Variants in STAG1 observed in about 807,000 individuals in gnomAD.
The protein encoded by STAG1 is cohesin subunit SA-1.
Under a neutral mutation model 170.9 loss-of-function variants are expected in STAG1, and 26 were observed. That is an observed-to-expected ratio of 0.15 (90% CI 0.11 to 0.21). STAG1 has a LOEUF of 0.21. Ranked by LOEUF, STAG1 falls within the 10% of genes least tolerant of loss-of-function variation. STAG1 has a pLI of 1.00. For synonymous variants in STAG1, 514 were observed against 497.7 expected, an observed-to-expected ratio of 1.03 and a Z score of -0.44; for missense variants, 964 against 1,509.5, an observed-to-expected ratio of 0.64 and a Z score of 5.99.
At chr3:136,381,631 G>A (rs1385591127) in intron 22 of STAG1, among the ~76,000 whole-genome samples, 1 of 152,148 alleles carries the variant, frequency 6.6e-6, no homozygotes, top group Non-Finnish European at 1.5e-5. Context: ...GTGAAAAATA[G>A]GATGGGGCTG....
chr3:136,377,798 G>A (rs772790880), intron 22 of STAG1, 46 bp from the exon 23 acceptor site: 2 of 1,498,944 alleles, frequency 1.3e-6, no homozygotes, highest in South Asian at 1.1e-5. Context: ...CAGGATCACA[G>A]AAAACTGATC....
In STAG1 at chr3:136,523,813, G is replaced by A. The variant is rs556553501; in HGVS notation, c.472-2396C>T. Reference sequence around the variant, plus strand: ...GATCCAATTTCAGCTTTCTACATGTGGCTAGCCAGTTTTCCCAGCACCATT... The same window carrying A: ...GATCCAATTTCAGCTTTCTACATGTAGCTAGCCAGTTTTCCCAGCACCATT... On this transcript the variant is annotated intron_variant, in intron 6 of 33. Transcript: ENST00000383202. Among the ~76,000 whole-genome samples, 3 of 152,184 alleles carry A rather than the reference G, an allele frequency of 2.0e-5. No homozygotes were observed. In the East Asian group the frequency reaches 5.8e-4, roughly 29 times the overall value.
At chr3:136,437,909 C>T (rs1393488893) in intron 15 of STAG1, among the ~76,000 whole-genome samples, 2 of 152,162 alleles carry the variant, frequency 1.3e-5, no homozygotes, top group Non-Finnish European at 2.9e-5. Flanking sequence ...GAGACCACTG[C>T]AATGATTATG....
intron 12 of STAG1, among the ~76,000 whole-genome samples, chr3:136,470,912 T>C (rs2089609239): frequency 6.8e-6 from 1 of 146,814 alleles, no homozygotes; most frequent in African/African-American, 2.5e-5. Flanking sequence ...ATGTTCTCAC[T>C]CATAGGTGGG....
chr3:136,446,340 AG>A (rs763137959), intron 14 of STAG1, among the ~76,000 whole-genome samples: 1 of 152,122 alleles, frequency 6.6e-6, no homozygotes, highest in Non-Finnish European at 1.5e-5. Context: ...AACATGTTCA[AG>A]TAATAATCTG....
chr3:136,520,948 T>C (rs1042575549), intron 7 of STAG1, among the ~76,000 whole-genome samples: 4 of 152,144 alleles, frequency 2.6e-5, no homozygotes, highest in African/African-American at 9.7e-5. Flanking sequence ...TCTCTTAAAA[T>C]TTCTTCAGTT....
Position 136,642,833 on chromosome 3 carries a change from G to T in STAG1, c.-83-11852C>A, listed in dbSNP as rs770371206. ...CATGCTCTCCCTGAAGCCTCTAGGG[G>T]AGGATCCTCCCTGGACTTGTTCCAG... On this transcript the variant is annotated intron_variant, in intron 1 of 33. Coordinates refer to ENST00000383202, the MANE Select transcript of STAG1 (RefSeq NM_005862.3). Among the ~76,000 whole-genome samples the T allele has an allele frequency of 1.1e-3, 170 of 152,270 alleles. 1 individual carries two copies. Among genetic ancestry groups the T allele is most frequent in the Admixed American group, 2.6e-3 (40 of 15,296 alleles).
intron 4 of STAG1, among the ~76,000 whole-genome samples, chr3:136,594,828 T>C (rs888966564): frequency 5.8e-4 from 89 of 152,238 alleles, no homozygotes; most frequent in African/African-American, 2.0e-3. Flanking sequence ...TGGAGTGCAA[T>C]GGCACAATCA....
chr3:136,534,159 G>A (rs980707493), intron 6 of STAG1, among the ~76,000 whole-genome samples: 3 of 152,092 alleles, frequency 2.0e-5, no homozygotes, highest in Non-Finnish European at 4.4e-5. Context: ...ACTGCGGGAT[G>A]GACACCTCCC....
intron 9 of STAG1, among the ~76,000 whole-genome samples, chr3:136,494,263 C>A (rs1018282144): frequency 5.0e-4 from 76 of 151,892 alleles, no homozygotes; most frequent in Admixed American, 9.9e-4. Flanking sequence ...AGACAGAGAC[C>A]CTGTCTCAAG....
intron 23 of STAG1, among the ~76,000 whole-genome samples, chr3:136,371,017 C>T (rs1356721686): frequency 6.6e-6 from 1 of 152,158 alleles, no homozygotes; most frequent in Non-Finnish European, 1.5e-5. Flanking sequence ...CTCTCCAGCA[C>T]CTGTTGTTTC....
chr3:136,631,306 A>T (rs1388616042), intron 1 of STAG1, among the ~76,000 whole-genome samples: 1 of 152,224 alleles, frequency 6.6e-6, no homozygotes, highest in Non-Finnish European at 1.5e-5. Context: ...AGCCAATCTG[A>T]AAAGGATACA....
chr3:136,505,045 A>G (rs1188996836), intron 7 of STAG1, among the ~76,000 whole-genome samples: 1 of 152,194 alleles, frequency 6.6e-6, no homozygotes, highest in African/African-American at 2.4e-5. Flanking sequence ...TAACACATAA[A>G]CAGCTATTAA....
At chr3:136,377,934 T>C (rs1167110074) in intron 22 of STAG1, among the ~76,000 whole-genome samples, 182 bp from the exon 23 acceptor site, 1 of 152,148 alleles carries the variant, frequency 6.6e-6, no homozygotes, top group Non-Finnish European at 1.5e-5. Flanking sequence ...ATAGAAGGGG[T>C]AGTGACACTG....
chr3:136,702,018 T>A (rs1943077158), intron 1 of STAG1, among the ~76,000 whole-genome samples: 1 of 148,288 alleles, frequency 6.7e-6, no homozygotes, highest in South Asian at 2.1e-4. Context: ...GCTCAAGTGA[T>A]CCTCCTGCCA....
At chr3:136,629,948 C>T (rs1324595645) in intron 2 of STAG1, among the ~76,000 whole-genome samples, 1 of 152,112 alleles carries the variant, frequency 6.6e-6, no homozygotes, top group Non-Finnish European at 1.5e-5. Flanking sequence ...GTAATCCCGG[C>T]ACTTTGGGAG....
intron 22 of STAG1, among the ~76,000 whole-genome samples, chr3:136,381,630 A>G (rs1937966402): frequency 6.6e-6 from 1 of 152,212 alleles, no homozygotes; most frequent in Admixed American, 6.5e-5. Flanking sequence ...AGTGAAAAAT[A>G]GGATGGGGCT....
intron 22 of STAG1, among the ~76,000 whole-genome samples, chr3:136,391,468 C>T (rs1416084041): frequency 6.6e-6 from 1 of 151,296 alleles, no homozygotes; most frequent in Non-Finnish European, 1.5e-5. Flanking sequence ...CCTCCGCCTC[C>T]TGGGTTAAAG....
intron 21 of STAG1, among the ~76,000 whole-genome samples, chr3:136,406,756 A>G (rs1164746230): frequency 6.6e-6 from 1 of 152,202 alleles, no homozygotes; most frequent in East Asian, 1.9e-4. Context: ...GCTATATCAT[A>G]AGTTAAAAAA....
Sources: allele counts gnomAD v4.1 joint callset (sites outside exome capture counted in the v4.1 genomes callset), GRCh38; gene constraint gnomAD v4.1.1; transcripts MANE v1.5; gene names NCBI Gene and HGNC (gene_info 2026-07-23, HGNC 2026-07-21).